The following RNF150 variants were observed in gnomAD, a reference collection of about 807,000 sequenced individuals.
RNF150 encodes ring finger protein 150.
RNF150 carries 24 observed loss-of-function variants against 39.3 expected under a neutral mutation model. The ratio of observed to expected loss-of-function variants is 0.61; its 90% CI spans 0.44 to 0.86. The LOEUF is 0.86. Among genes scored for constraint, RNF150 ranks in the 40% least tolerant of loss-of-function variants. The probability of loss-of-function intolerance (pLI) is 0.00; values close to 1 mark genes in which losing one functional copy is unlikely to be tolerated. For missense variants in RNF150, 502 were observed against 587.8 expected, an observed-to-expected ratio of 0.85 and a Z score of 1.51; for synonymous variants, 255 against 227.3, an observed-to-expected ratio of 1.12 and a Z score of -1.10.
At chr4:141,107,640 T>C (rs1739256669) in intron 1 of RNF150, among the ~76,000 whole-genome samples, 1 of 152,196 alleles carries the variant, frequency 6.6e-6, no homozygotes, top group South Asian at 2.1e-4. Flanking sequence ...TACATGCAAG[T>C]TGTCATGAGG....
intron 2 of RNF150, among the ~76,000 whole-genome samples, chr4:140,951,213 T>C (rs746744245): frequency 9.9e-5 from 15 of 152,284 alleles, no homozygotes; most frequent in Non-Finnish European, 1.9e-4. Flanking sequence ...TTTGTTTTTA[T>C]GATCAATTCC....
intron 1 of RNF150, among the ~76,000 whole-genome samples, chr4:141,055,668 A>G (rs1736939403): frequency 6.6e-6 from 1 of 152,200 alleles, no homozygotes; most frequent in Non-Finnish European, 1.5e-5. Flanking sequence ...GAGATAGAAA[A>G]TATGCAAAAG....
At chr4:141,067,617 A>T (rs528029499) in intron 1 of RNF150, among the ~76,000 whole-genome samples, 1 of 152,260 alleles carries the variant, frequency 6.6e-6, no homozygotes, top group Admixed American at 6.5e-5. Context: ...AGGAAGAAAA[A>T]TCTTTGTTCC....
intron 6 of RNF150, among the ~76,000 whole-genome samples, chr4:140,882,080 T>C (rs961967918): frequency 3.6e-4 from 54 of 152,004 alleles, no homozygotes; most frequent in African/African-American, 1.1e-3. Flanking sequence ...AGTGCAGTGG[T>C]GCAATCTCGG....
Position 140,913,028 on chromosome 4 carries a change from C to CT in RNF150, c.988-1675dup, listed in dbSNP as rs1730675139. 2.6e-5 allele frequency among the ~76,000 whole-genome samples: 4 copies of CT among 151,012 alleles called. No homozygotes were observed. The South Asian group carries it at 8.3e-4, about 31-fold the overall frequency. On this transcript the variant is annotated intron_variant, in intron 5 of 6. Coordinates refer to ENST00000515673, the MANE Select transcript of RNF150 (RefSeq NM_020724.2). ...GTGGCTCACGCCTGTAATCCCAGCA[C>CT]TTTGGGAGGCCGAGGTGGGCAGATC...
rs1302385098 is a variant in RNF150 at position 141,133,418 on chromosome 4, T to G, written c.-610A>C. The G allele has an allele frequency of 7.1e-5, 12 of 169,164 alleles. No individual in the cohort carries two copies. The highest frequency in any genetic ancestry group is 2.9e-4 in the African/African-American group (12 of 41,424). 10.5% of individuals were successfully genotyped at this position (169,164 alleles called of 1,614,324 possible). A position where few individuals can be genotyped will look rare whatever the true frequency, so the allele number is the denominator to read the frequency against. On this transcript the variant is annotated 5_prime_UTR_variant, in exon 1 of 7. Coordinates refer to ENST00000515673, the MANE Select transcript of RNF150 (RefSeq NM_020724.2). ...GCGGGCGGGGCGGGCTTGGGGACAG[T>G]GGGAGCGAGCAGGCAGAGCGGAGTA...
chr4:141,046,566 C>T (rs1055368247), intron 1 of RNF150, among the ~76,000 whole-genome samples: 10 of 152,158 alleles, frequency 6.6e-5, no homozygotes, highest in East Asian at 5.8e-4. Flanking sequence ...AGAAGCATGG[C>T]GTATGAGGAG....
rs1264370105 is a variant in RNF150, at chr4:140,860,091, A to C, written c.*8170T>G. On this transcript the variant is annotated 3_prime_UTR_variant, in exon 7 of 7. Coordinates refer to ENST00000515673, the MANE Select transcript of RNF150 (RefSeq NM_020724.2). ...AGAGAATAGAATAAAGCAAAATAAA[A>C]GTCTGTGTCTCCTAATAGAAGACAA... 8 of 151,952 alleles carry C rather than the reference A, an allele frequency of 5.3e-5. No homozygotes were observed. The highest frequency in any genetic ancestry group is 5.2e-4 in the Admixed American group (8 of 15,246). The allele number at this position is 151,952 out of a possible 1,614,324, so 9.4% of individuals were successfully genotyped here.
At chr4:140,874,933 G>C (rs1333772524) in intron 6 of RNF150, among the ~76,000 whole-genome samples, 1 of 152,052 alleles carries the variant, frequency 6.6e-6, no homozygotes, top group Non-Finnish European at 1.5e-5. Context: ...CCAAAATGCT[G>C]GGATTACAGA....
chr4:140,976,631 T>G (rs76632222), intron 1 of RNF150, among the ~76,000 whole-genome samples: 2,804 of 152,040 alleles, frequency 0.018, 93 homozygotes, highest in African/African-American at 0.064. Context: ...TGCTCAGTCA[T>G]GCCCACCCTA....
intron 1 of RNF150, among the ~76,000 whole-genome samples, chr4:141,003,874 C>T (rs73860216): frequency 0.076 from 11,532 of 152,142 alleles, 491 homozygotes; most frequent in Middle Eastern, 0.16. Flanking sequence ...TTGACTTGGA[C>T]CATCTGAATA....
At chr4:140,977,622 C>T (rs1358956329) in intron 1 of RNF150, among the ~76,000 whole-genome samples, 6 of 152,134 alleles carry the variant, frequency 3.9e-5, no homozygotes, top group Admixed American at 3.3e-4. Flanking sequence ...GGTAGTGACA[C>T]ACACAAAAAT....
rs77381041 is a variant in RNF150, at chr4:141,178,066, T to C, written c.-6+34728A>G. On this transcript the variant is annotated intron_variant, in intron 1 of 7. Coordinates refer to the RNF150 transcript ENST00000420921. Reference sequence around the variant, plus strand: ...ATTAGCAGGAAGTAAACTAAAAATCTCTAGATTTCATTAAACCCCTAGAAT... The same window carrying C: ...ATTAGCAGGAAGTAAACTAAAAATCCCTAGATTTCATTAAACCCCTAGAAT... 2.6e-3 allele frequency among the ~76,000 whole-genome samples: 403 copies of C among 152,274 alleles called. 1 individual carries two copies. The highest frequency in any genetic ancestry group is 9.2e-3 in the African/African-American group (381 of 41,570).
At chr4:141,060,671 C>T (rs940547364) in intron 1 of RNF150, among the ~76,000 whole-genome samples, 7 of 152,158 alleles carry the variant, frequency 4.6e-5, no homozygotes, top group Non-Finnish European at 4.4e-5. Context: ...AAAACCCCTA[C>T]TATAAAGACA....
chr4:141,099,944 AGT>A (rs763982080), intron 1 of RNF150, among the ~76,000 whole-genome samples: 14 of 152,102 alleles, frequency 9.2e-5, no homozygotes, highest in Non-Finnish European at 1.8e-4. Context: ...TTTGGTTTGG[AGT>A]GTGTGTGTAC....
chr4:141,212,302 C>T lies in RNF150; in HGVS notation c.-6+492G>A, dbSNP rs149340447. On this transcript the variant is annotated intron_variant, in intron 1 of 7. Coordinates refer to the RNF150 transcript ENST00000420921. ...TAGGTGTTTTATATGTATCATCATA[C>T]TTAATCCTCTCAGTAAACCTAGGAA... Among the ~76,000 whole-genome samples the T allele has an allele frequency of 2.0e-3, 304 of 152,310 alleles. 1 individual carries two copies. Among genetic ancestry groups the T allele is most frequent in the Non-Finnish European group, 3.8e-3 (260 of 68,038 alleles).
At chr4:141,152,499 G>A (rs1727319146) in intron 1 of RNF150, among the ~76,000 whole-genome samples, 1 of 152,054 alleles carries the variant, frequency 6.6e-6, no homozygotes, top group African/African-American at 2.4e-5. Flanking sequence ...TGCCATCCAT[G>A]TATTTATTTT....
At position 141,132,530 on chromosome 4, in the gene RNF150, G is replaced by A; in HGVS notation, c.279C>T (p.Ala93=). 2 of 1,599,862 alleles carry A rather than the reference G, an allele frequency of 1.3e-6. No individual in the cohort carries two copies. The highest frequency in any genetic ancestry group is 8.5e-7 in the Non-Finnish European group (1 of 1,174,230). Residue 93 remains alanine, a synonymous_variant, in exon 1 of 7, where the codon GCC becomes GCT. Coordinates refer to ENST00000515673, the MANE Select transcript of RNF150 (RefSeq NM_020724.2). This position sits in a 1 kb window ranked among gnomAD's most constrained non-coding sequence, Gnocchi z 4.9. ...KQDARGEVVM[A]SSAHDRLACD... ...AGGCCAGGCGGTCGTGGGCCGAGCT[G>A]GCCATGACCACCTCCCCGCGGGCGT...
At chr4:140,956,626 A>C (rs867371731) in intron 2 of RNF150, among the ~76,000 whole-genome samples, 1 of 152,164 alleles carries the variant, frequency 6.6e-6, no homozygotes, top group South Asian at 2.1e-4. Flanking sequence ...AAAAAACAAT[A>C]AAAGATCACA....
Sources: allele counts gnomAD v4.1 joint callset (sites outside exome capture counted in the v4.1 genomes callset), GRCh38; gene constraint gnomAD v4.1.1; non-coding constraint Gnocchi (gnomAD v3.1); transcripts MANE v1.5; gene names NCBI Gene and HGNC (gene_info 2026-07-23, HGNC 2026-07-21).